GLI3: variants seen among roughly 807,000 people sequenced by gnomAD.
The protein encoded by GLI3 is GLI family zinc finger 3, also known as transcription activator GLI3.
Under a neutral mutation model 100.8 loss-of-function variants are expected in GLI3, and 20 were observed. That is an observed-to-expected ratio of 0.20 (90% CI 0.14 to 0.29). The LOEUF (loss-of-function observed/expected upper bound fraction) is 0.29, where lower values mean the gene tolerates loss of function less well. Ranked by LOEUF, GLI3 falls within the 10% of genes least tolerant of loss-of-function variation. GLI3 has a pLI of 1.00. For missense variants in GLI3, 2,040 were observed against 2,128.5 expected, an observed-to-expected ratio of 0.96 and a Z score of 0.82; for synonymous variants, 938 against 860.5, an observed-to-expected ratio of 1.09 and a Z score of -1.58.
At chr7:42,233,962 C>T (rs1369634421) in intron 1 of GLI3, among the ~76,000 whole-genome samples, 4 of 152,150 alleles carry the variant, frequency 2.6e-5, no homozygotes, top group African/African-American at 7.2e-5. Flanking sequence ...AGAAAATTTA[C>T]TGAATCTTCC....
rs1467414454 is a variant in GLI3 at position 42,023,610 on chromosome 7, T to C, written c.1357-2A>G. 2 of 1,577,432 alleles carry C rather than the reference T, an allele frequency of 1.3e-6. No homozygotes were observed. The highest frequency in any genetic ancestry group is 2.3e-5 in the East Asian group (1 of 43,650). On this transcript the variant is annotated splice_acceptor_variant, in intron 9 of 14. Transcript: ENST00000395925. LOFTEE classifies it high-confidence loss of function. ...AAGGGTTGTTCCTTCGGGCTGTTCC[T>C]GAAAGAAGAGGGTGGGGGGCAGGGA... is the stretch of plus-strand genomic sequence containing the variant.
In GLI3 at chr7:42,108,081, A is replaced by AGT. The variant is rs3057241; in HGVS notation, c.368-31225_368-31224insAC. Among the ~76,000 whole-genome samples, 6 of 152,046 alleles carry AGT rather than the reference A, an allele frequency of 3.9e-5. No individual in the cohort carries two copies. In the South Asian group the frequency reaches 1.2e-3, roughly 32 times the overall value. On this transcript the variant is annotated intron_variant, in intron 3 of 14. Coordinates refer to ENST00000395925, the MANE Select transcript of GLI3 (RefSeq NM_000168.6). ...AGTCAAAAGGAATCTCCTGGGCTAG[A>AGT]AGGAGAATGCACAGAGCTGTGTGCA...
intron 10 of GLI3, among the ~76,000 whole-genome samples, chr7:42,020,689 T>A (rs940762227): frequency 6.6e-6 from 1 of 151,974 alleles, no homozygotes; most frequent in Non-Finnish European, 1.5e-5. Context: ...AAAAAAGTAG[T>A]TTTTTCCTGG....
Position 42,222,594 on chromosome 7 carries a change from A to G in GLI3, c.124+536T>C, listed in dbSNP as rs188419341. On this transcript the variant is annotated intron_variant, in intron 2 of 14. Transcript: ENST00000395925. Reference sequence around the variant, plus strand: ...GGCTCTGTGTTATCTCTGAACACAAATAAGTAAATTAAATTTTTATAAGCT... The same window carrying G: ...GGCTCTGTGTTATCTCTGAACACAAGTAAGTAAATTAAATTTTTATAAGCT... Among the ~76,000 whole-genome samples the G allele has an allele frequency of 1.3e-4, 20 of 152,342 alleles. No individual in the cohort carries two copies. In the East Asian group the frequency reaches 2.1e-3, roughly 16 times the overall value.
At chr7:41,982,089 C>A (rs973492727) in intron 10 of GLI3, among the ~76,000 whole-genome samples, 1 of 152,110 alleles carries the variant, frequency 6.6e-6, no homozygotes, top group Admixed American at 6.5e-5. Flanking sequence ...CCCTTAGACC[C>A]GAGTCCCAAC....
intron 2 of GLI3, among the ~76,000 whole-genome samples, chr7:42,154,260 C>T (rs1044261660): frequency 6.6e-6 from 1 of 152,142 alleles, no homozygotes; most frequent in African/African-American, 2.4e-5. Flanking sequence ...AGGACCCGCA[C>T]AGGTGCAATC....
intron 3 of GLI3, among the ~76,000 whole-genome samples, chr7:42,099,917 A>G (rs916881417): frequency 6.6e-6 from 1 of 152,244 alleles, no homozygotes; most frequent in Non-Finnish European, 1.5e-5. Flanking sequence ...ATGCCAAAGT[A>G]TTTTCTCTCC....
intron 4 of GLI3, among the ~76,000 whole-genome samples, chr7:42,065,473 A>G (rs1343376540): frequency 1.3e-5 from 2 of 152,154 alleles, no homozygotes; most frequent in Non-Finnish European, 2.9e-5. Context: ...ATAATGCATT[A>G]AAGAATAAAA....
At chr7:42,098,553 A>C (rs1464583606) in intron 3 of GLI3, among the ~76,000 whole-genome samples, 3 of 152,204 alleles carry the variant, frequency 2.0e-5, no homozygotes, top group African/African-American at 7.2e-5. Context: ...CCATTTTCTC[A>C]GGTGTAAAAC....
chr7:42,059,246 C>CT (rs1252434369), intron 4 of GLI3, among the ~76,000 whole-genome samples: 2 of 151,894 alleles, frequency 1.3e-5, no homozygotes, highest in Admixed American at 1.3e-4. Context: ...TTTTAGCAGA[C>CT]TTTTTTGTCC....
chr7:42,056,498 T>C (rs2128745360), intron 4 of GLI3, among the ~76,000 whole-genome samples: 1 of 152,182 alleles, frequency 6.6e-6, no homozygotes, highest in East Asian at 1.9e-4. Context: ...CCACTAAAGG[T>C]GAGGGCTAGA....
intron 2 of GLI3, among the ~76,000 whole-genome samples, chr7:42,151,056 A>G (rs1442269669): frequency 6.6e-6 from 1 of 152,228 alleles, no homozygotes; most frequent in Non-Finnish European, 1.5e-5. Context: ...TATGGAAAAA[A>G]TTAAATTAAA....
chr7:41,988,554 C>A (rs1233908799), intron 10 of GLI3, among the ~76,000 whole-genome samples: 3 of 151,480 alleles, frequency 2.0e-5, no homozygotes, highest in Non-Finnish European at 4.4e-5. Context: ...TATAAAGGGA[C>A]TGGAGGGAGC....
rs183735864 is a variant in GLI3, at chr7:42,159,131, A to G, written c.125-10663T>C. Among the ~76,000 whole-genome samples the G allele has an allele frequency of 3.3e-4, 51 of 152,286 alleles. 1 individual carries two copies. The highest frequency in any genetic ancestry group is 2.9e-3 in the Admixed American group (44 of 15,298). On this transcript the variant is annotated intron_variant, in intron 2 of 14. Transcript: ENST00000395925. ...CTGAATAGCTATTTTGCAAAAAAACAAAACAAACAAACAAAAAAAACACTG... is the reference window on the plus strand; with the variant it reads ...CTGAATAGCTATTTTGCAAAAAAACGAAACAAACAAACAAAAAAAACACTG...
intron 2 of GLI3, among the ~76,000 whole-genome samples, chr7:42,158,371 C>T (rs1787052921): frequency 6.6e-6 from 1 of 152,194 alleles, no homozygotes; most frequent in South Asian, 2.1e-4. Flanking sequence ...GGTAAGTGCC[C>T]AGCTTGGCAT....
At chr7:42,240,619 G>A (rs1347112628), upstream of GLI3, among the ~76,000 whole-genome samples, 1 of 151,990 alleles carries the variant, frequency 6.6e-6, no homozygotes, top group Admixed American at 6.6e-5. Context: ...TTTGTCTCTG[G>A]CTTCTCTTCT....
rs145812139 is a variant in GLI3 at position 42,103,907 on chromosome 7, CAG to C, written c.368-27052_368-27051del. 2.7e-3 allele frequency among the ~76,000 whole-genome samples: 409 copies of C among 152,246 alleles called. 1 individual carries two copies. Among genetic ancestry groups the C allele is most frequent in the African/African-American group, 9.5e-3 (396 of 41,528 alleles). On this transcript the variant is annotated intron_variant, in intron 3 of 14. Transcript: ENST00000395925. ...CATTACCATGAACCATAAATAATAACAGAGTTAATAAAAGAAGTGAGAACAAT... is the reference window on the plus strand; with the variant it reads ...CATTACCATGAACCATAAATAATAACAGTTAATAAAAGAAGTGAGAACAAT...
chr7:42,247,309 C>T (rs892514268), intron 1 of GLI3, among the ~76,000 whole-genome samples: 1 of 152,126 alleles, frequency 6.6e-6, no homozygotes, highest in Non-Finnish European at 1.5e-5. Flanking sequence ...TTCTTCCAGC[C>T]CCCAGTTGTA....
chr7:42,076,979 A>G (rs1311965099), intron 3 of GLI3, 122 bp from the exon 4 acceptor site: 2 of 729,402 alleles, frequency 2.7e-6, no homozygotes, highest in African/African-American at 3.5e-5. Flanking sequence ...AAGAATTTGT[A>G]AAAGAACTCT....
Sources: allele counts gnomAD v4.1 joint callset (sites outside exome capture counted in the v4.1 genomes callset), GRCh38; gene constraint gnomAD v4.1.1; transcripts MANE v1.5; gene names NCBI Gene and HGNC (gene_info 2026-07-23, HGNC 2026-07-21).